Variants in EPB41L4A observed in about 807,000 individuals in gnomAD.
EPB41L4A encodes the protein erythrocyte membrane protein band 4.1 like 4A, also known as band 4.1-like protein 4A.
In EPB41L4A, 100 loss-of-function variants were observed where a neutral mutation model predicts 108.6. The ratio of observed to expected loss-of-function variants is 0.92; its 90% CI spans 0.78 to 1.09. The LOEUF is 1.09. Ranked by LOEUF, EPB41L4A falls within the 50% of genes least tolerant of loss-of-function variation. The pLI, the probability that EPB41L4A is intolerant of heterozygous loss-of-function variation, is 0.00. For synonymous variants in EPB41L4A, 319 were observed against 289.0 expected, an observed-to-expected ratio of 1.10 and a Z score of -1.05; for missense variants, 1,030 against 842.7, an observed-to-expected ratio of 1.22 and a Z score of -2.75.
chr5:112,251,354 G>A (rs989961671), intron 9 of EPB41L4A, among the ~76,000 whole-genome samples: 19 of 152,282 alleles, frequency 1.2e-4, no homozygotes, highest in Non-Finnish European at 4.4e-5. Context: ...ATGTGTGACT[G>A]TAAAATATTG....
At chr5:112,366,015 A>G (rs1305250292) in intron 1 of EPB41L4A, among the ~76,000 whole-genome samples, 1 of 152,216 alleles carries the variant, frequency 6.6e-6, no homozygotes, top group Non-Finnish European at 1.5e-5. Flanking sequence ...TACAAGTTTA[A>G]TATCAGTACT....
chr5:112,324,844 T>C (rs139515955), intron 1 of EPB41L4A, among the ~76,000 whole-genome samples: 4 of 151,264 alleles, frequency 2.6e-5, no homozygotes, highest in African/African-American at 9.7e-5. Context: ...TAATAAAGTA[T>C]AATAAACAGT....
Position 112,372,969 on chromosome 5 carries a change from G to A in EPB41L4A, c.99+45972C>T, listed in dbSNP as rs75265878. 5.1e-3 allele frequency among the ~76,000 whole-genome samples: 777 copies of A among 152,254 alleles called. 3 individuals carry two copies. Among genetic ancestry groups the A allele is most frequent in the African/African-American group, 0.018 (737 of 41,540 alleles). ...CTCAATTACTTAACCCTTAAAATAC[G>A]TGACATATGACACTAATAGTTCCAT... On this transcript the variant is annotated intron_variant, in intron 1 of 22. Coordinates refer to ENST00000261486, the MANE Select transcript of EPB41L4A (RefSeq NM_022140.5).
At chr5:112,302,593 A>G (rs1461721500) in intron 2 of EPB41L4A, among the ~76,000 whole-genome samples, 1 of 152,172 alleles carries the variant, frequency 6.6e-6, no homozygotes, top group Non-Finnish European at 1.5e-5. Context: ...TTCACTTTAT[A>G]AACAGAGGAA....
chr5:112,250,377 G>A (rs773866169), intron 9 of EPB41L4A, among the ~76,000 whole-genome samples: 2 of 152,144 alleles, frequency 1.3e-5, no homozygotes, highest in Admixed American at 1.3e-4. Flanking sequence ...TATGAACATA[G>A]AAGTCCAAAT....
intron 1 of EPB41L4A, among the ~76,000 whole-genome samples, chr5:112,338,783 C>T (rs573125244): frequency 1.3e-5 from 2 of 152,304 alleles, no homozygotes; most frequent in African/African-American, 2.4e-5. Flanking sequence ...TTAGAACACA[C>T]GTCCACTATT....
At chr5:112,219,714 G>A (rs1027860834) in intron 12 of EPB41L4A, among the ~76,000 whole-genome samples, 1 of 151,652 alleles carries the variant, frequency 6.6e-6, no homozygotes, top group Non-Finnish European at 1.5e-5. Context: ...AATTTTTTTT[G>A]AGACAGAGTC....
At chr5:112,193,931 A>C (rs1037002501) in intron 17 of EPB41L4A, among the ~76,000 whole-genome samples, 2 of 152,020 alleles carry the variant, frequency 1.3e-5, no homozygotes, top group Non-Finnish European at 2.9e-5. Context: ...AATCCCTCTG[A>C]CTCCCAAGGT....
In EPB41L4A at chr5:112,419,015, C is replaced by T. The variant is rs757626176; in HGVS notation, c.25G>A (p.Glu9Lys). 1.9e-6 allele frequency: 3 copies of T among 1,613,694 alleles called. No individual in the cohort carries two copies. The highest frequency in any genetic ancestry group is 2.2e-5 in the South Asian group (2 of 91,058). Residue 9 changes from glutamate (E) to lysine (K), a missense_variant, in exon 1 of 23, where the codon GAA becomes AAA. Glu to Lys is a moderately conservative substitution (Grantham distance 56). Coordinates refer to ENST00000261486, the MANE Select transcript of EPB41L4A (RefSeq NM_022140.5). The part of the protein sequence containing the change: MGCFCAVP[E>K]EFYCEVLLLD... The stretch of plus-strand genomic sequence containing the variant: ...AGCAAAACTTCGCAGTAAAATTCTT[C>T]CGGAACAGCGCAGAAACAGCCCATG...
At chr5:112,363,863 AC>A (rs769642780) in intron 1 of EPB41L4A, among the ~76,000 whole-genome samples, 6 of 152,258 alleles carry the variant, frequency 3.9e-5, no homozygotes, top group Non-Finnish European at 7.3e-5. Flanking sequence ...TCACTTAAAC[AC>A]TGAAACCATT....
intron 1 of EPB41L4A, among the ~76,000 whole-genome samples, chr5:112,356,380 A>T (rs926727753): frequency 6.6e-6 from 1 of 152,188 alleles, no homozygotes; most frequent in African/African-American, 2.4e-5. Context: ...ACTTTGGTCT[A>T]TGCAGAAAGC....
At chr5:112,362,384 G>A (rs151014333) in intron 1 of EPB41L4A, among the ~76,000 whole-genome samples, 3,203 of 151,602 alleles carry the variant, frequency 0.021, 117 homozygotes, top group African/African-American at 0.072. Context: ...ACATTCGAGC[G>A]ATTCTCCTGC....
At chr5:112,146,089 C>G (rs1354426044) in intron 12 of EPB41L4A, 1 of 417,054 alleles carries the variant, frequency 2.4e-6, no homozygotes, top group African/African-American at 2.1e-5. Flanking sequence ...ACTACTCACC[C>G]ATTCATCTGA....
chr5:112,380,820 CACACACACA>C (rs1561625624), intron 1 of EPB41L4A, among the ~76,000 whole-genome samples: 2 of 123,616 alleles, frequency 1.6e-5, no homozygotes, highest in Non-Finnish European at 3.7e-5. Context: ...CACACACACA[CACACACACA>C]ATTCAGCCAA....
intron 1 of EPB41L4A, among the ~76,000 whole-genome samples, chr5:112,328,837 G>T (rs1292668755): frequency 2.0e-5 from 3 of 152,204 alleles, no homozygotes; most frequent in Non-Finnish European, 4.4e-5. Flanking sequence ...ATTATTTAAA[G>T]TCTACATAAT....
chr5:112,394,579 T>C (rs1005759719), intron 1 of EPB41L4A, among the ~76,000 whole-genome samples: 1 of 152,136 alleles, frequency 6.6e-6, no homozygotes, highest in Non-Finnish European at 1.5e-5. Flanking sequence ...CACTGCTCAA[T>C]GAAATAAAAG....
At chr5:112,256,260 A>C (rs1751080201) in intron 9 of EPB41L4A, among the ~76,000 whole-genome samples, 2 of 152,240 alleles carry the variant, frequency 1.3e-5, no homozygotes, top group Admixed American at 6.5e-5. Flanking sequence ...AAGAACTAAC[A>C]CATAGTGATA....
intron 1 of EPB41L4A, among the ~76,000 whole-genome samples, chr5:112,356,090 A>AG (rs1758343565): frequency 6.6e-6 from 1 of 152,128 alleles, no homozygotes; most frequent in African/African-American, 2.4e-5. Flanking sequence ...AAATTTTGGA[A>AG]GGGGGGTAAG....
chr5:112,183,893 A>G (rs1204850120), intron 18 of EPB41L4A, 123 bp downstream of exon 18: 1 of 1,228,312 alleles, frequency 8.1e-7, no homozygotes, highest in African/African-American at 1.5e-5. Flanking sequence ...ATTAGAAGGT[A>G]AATATGACAA....
Sources: allele counts gnomAD v4.1 joint callset (sites outside exome capture counted in the v4.1 genomes callset), GRCh38; gene constraint gnomAD v4.1.1; transcripts MANE v1.5; gene names NCBI Gene and HGNC (gene_info 2026-07-23, HGNC 2026-07-21).